The following NCKAP5 variants were observed in gnomAD, a reference collection of about 807,000 sequenced individuals.
The protein encoded by NCKAP5 is nck-associated protein 5.
In NCKAP5, 92 loss-of-function variants were observed where a neutral mutation model predicts 167.0. That is an observed-to-expected ratio of 0.55 (90% confidence interval 0.47 to 0.66). The LOEUF (loss-of-function observed/expected upper bound fraction) is 0.66. Among genes scored for constraint, NCKAP5 ranks in the 30% least tolerant of loss-of-function variants. NCKAP5 has a pLI of 0.00. For missense variants in NCKAP5, 2,378 were observed against 2,315.0 expected (o/e 1.03, Z -0.56); for synonymous variants, 891 against 877.4 (o/e 1.02, Z -0.27).
chr2:133,344,974 T>C (rs1239985387), intron 3 of NCKAP5, among the ~76,000 whole-genome samples: 2 of 152,070 alleles, frequency 1.3e-5, no homozygotes, highest in Non-Finnish European at 2.9e-5. Flanking sequence ...CATCCAAATA[T>C]CGATTTCAGT....
Position 133,192,248 on chromosome 2 carries a change from A to C in NCKAP5, c.207+21468T>G, listed in dbSNP as rs569711076. On this transcript the variant is annotated intron_variant, in intron 5 of 19. Transcript: ENST00000409261. ...AAATTGGCCATCTATAGGCAACAAAAAGAACTTCAACCTAAGTCTTATACC... is the reference window on the plus strand; with the variant it reads ...AAATTGGCCATCTATAGGCAACAAACAGAACTTCAACCTAAGTCTTATACC... Among the ~76,000 whole-genome samples, 5 of 152,250 alleles carry C rather than the reference A, an allele frequency of 3.3e-5. No homozygotes were observed. In the East Asian group the frequency reaches 9.7e-4, roughly 29 times the overall value.
At chr2:132,849,236 T>A (rs541852247) in intron 11 of NCKAP5, among the ~76,000 whole-genome samples, 1 of 152,276 alleles carries the variant, frequency 6.6e-6, no homozygotes, top group Non-Finnish European at 1.5e-5. Flanking sequence ...GATCCAGCCA[T>A]GGCTCCCCCT....
intron 10 of NCKAP5, among the ~76,000 whole-genome samples, chr2:132,868,327 A>G (rs2148755572): frequency 6.6e-6 from 1 of 152,300 alleles, no homozygotes; most frequent in East Asian, 1.9e-4. Flanking sequence ...TGTCTGCCCC[A>G]ATAATGTGAT....
At chr2:133,373,978 A>G (rs1272115804) in intron 3 of NCKAP5, among the ~76,000 whole-genome samples, 1 of 152,248 alleles carries the variant, frequency 6.6e-6, no homozygotes, top group Non-Finnish European at 1.5e-5. Context: ...CCCTATATGT[A>G]GGATAGTAAT....
chr2:133,237,628 A>G (rs2150282216), intron 4 of NCKAP5, among the ~76,000 whole-genome samples: 1 of 152,370 alleles, frequency 6.6e-6, no homozygotes, highest in African/African-American at 2.4e-5. Context: ...ACACACGTGT[A>G]AACAAATGCA....
intron 3 of NCKAP5, among the ~76,000 whole-genome samples, chr2:133,370,757 T>A (rs1646532130): frequency 6.6e-6 from 1 of 151,998 alleles, no homozygotes; most frequent in Non-Finnish European, 1.5e-5. Context: ...CAAAATAGAT[T>A]TGTTCTTCAG....
At chr2:133,201,875 G>A (rs1329579729) in intron 5 of NCKAP5, among the ~76,000 whole-genome samples, 2 of 152,188 alleles carry the variant, frequency 1.3e-5, no homozygotes, top group African/African-American at 2.4e-5. Context: ...ACTGCTCAAC[G>A]AAATAAAAGA....
At chr2:133,536,795 AT>A (rs199767412) in intron 2 of NCKAP5, among the ~76,000 whole-genome samples, 7 of 149,582 alleles carry the variant, frequency 4.7e-5, no homozygotes, top group Non-Finnish European at 7.5e-5. Context: ...TTTGAGGCAC[AT>A]TTTTTTTTAA....
intron 3 of NCKAP5, among the ~76,000 whole-genome samples, chr2:133,392,905 A>G (rs1430178540): frequency 6.6e-6 from 1 of 152,216 alleles, no homozygotes; most frequent in East Asian, 1.9e-4. Context: ...ACGATGATTT[A>G]TAAGGCAACA....
intron 6 of NCKAP5, among the ~76,000 whole-genome samples, chr2:133,055,612 A>G (rs2079770605): frequency 6.6e-6 from 1 of 152,110 alleles, no homozygotes; most frequent in African/African-American, 2.4e-5. Context: ...CAATATAACA[A>G]TATAGACATA....
At chr2:132,689,161 T>C (rs773644577) in intron 19 of NCKAP5, among the ~76,000 whole-genome samples, 2 of 151,946 alleles carry the variant, frequency 1.3e-5, no homozygotes, top group African/African-American at 2.4e-5. Flanking sequence ...CCACATAACA[T>C]GTGGGTGAAT....
intron 19 of NCKAP5, among the ~76,000 whole-genome samples, chr2:132,699,700 G>A (rs1251985583): frequency 6.6e-6 from 1 of 152,172 alleles, no homozygotes; most frequent in Admixed American, 6.5e-5. Context: ...TGGTGTATAT[G>A]TGCCACATTT....
chr2:133,506,545 G>A (rs1201841579), intron 3 of NCKAP5, among the ~76,000 whole-genome samples: 1 of 152,138 alleles, frequency 6.6e-6, no homozygotes, highest in Non-Finnish European at 1.5e-5. Context: ...AAGTGGGAGT[G>A]TTCACGTCCC....
intron 19 of NCKAP5, among the ~76,000 whole-genome samples, chr2:132,697,179 G>GCCCGGCCGC (rs5834328): frequency 6.6e-6 from 1 of 152,240 alleles, no homozygotes; most frequent in African/African-American, 2.4e-5. Context: ...TGGGCACTGC[G>GCCCGGCCGC]CCGGCCGACA....
intron 7 of NCKAP5, 24 bp downstream of exon 7, chr2:132,994,128 C>T: frequency 6.7e-7 from 1 of 1,485,732 alleles, no homozygotes; most frequent in Non-Finnish European, 9.2e-7. Context: ...CAGTACCCAG[C>T]CAAGAATAAT....
chr2:132,862,819 A>G (rs2148724892), intron 10 of NCKAP5, among the ~76,000 whole-genome samples: 1 of 150,598 alleles, frequency 6.6e-6, no homozygotes, highest in East Asian at 1.9e-4. Flanking sequence ...ATTTTTATTT[A>G]TTTTATTTTA....
rs542510800 is a variant in NCKAP5 at position 133,189,171 on chromosome 2, C to T, written c.207+24545G>A. Among the ~76,000 whole-genome samples the T allele has an allele frequency of 3.2e-4, 49 of 152,108 alleles. 1 individual carries two copies. The highest frequency in any genetic ancestry group is 1.0e-3 in the African/African-American group (42 of 41,474). On this transcript the variant is annotated intron_variant, in intron 5 of 19. Transcript: ENST00000409261. The stretch of plus-strand genomic sequence containing the variant: ...CTATAACCACCTCTACACAAATAAA[C>T]CAGAAAATCTAGAAGAAATGGATAA...
At chr2:133,523,105 CTT>C (rs5834363) in intron 2 of NCKAP5, among the ~76,000 whole-genome samples, 55 of 147,422 alleles carry the variant, frequency 3.7e-4, no homozygotes, top group Admixed American at 1.3e-3. Context: ...CTTAATAACT[CTT>C]TTTTTTTTTT....
chr2:133,619,370 G>T, the NCKAP5 span, among the ~76,000 whole-genome samples: 7 of 151,484 alleles, frequency 4.6e-5, no homozygotes, highest in African/African-American at 1.5e-4. Context: ...AAATACTTCA[G>T]CGAAACAGAA....
Sources: gnomAD v4.1 joint callset for allele counts (sites outside exome capture counted in the v4.1 genomes callset) on GRCh38, gnomAD v4.1.1 for gene constraint, MANE v1.5 for transcripts, NCBI Gene and HGNC (gene_info 2026-07-23, HGNC 2026-07-21) for gene names.